The following TJP2 variants were observed in gnomAD, a reference collection of about 807,000 sequenced individuals.
TJP2 encodes Friedreich ataxia region gene X104 (tight junction protein ZO-2).
Under a neutral mutation model 133.1 loss-of-function variants are expected in TJP2, and 91 were observed. The ratio of observed to expected loss-of-function variants is 0.68; its 90% CI spans 0.58 to 0.81. The LOEUF (loss-of-function observed/expected upper bound fraction) is 0.81. Among genes scored for constraint, TJP2 ranks in the 40% least tolerant of loss-of-function variants. The pLI, the probability that TJP2 is intolerant of heterozygous loss-of-function variation, is 0.00. For synonymous variants in TJP2, 592 were observed against 583.4 expected (o/e 1.01, Z -0.21); for missense variants, 1,541 against 1,565.6 (o/e 0.98, Z 0.26).
At position 69,233,919 on chromosome 9, in the gene TJP2, CTT is replaced by C. The variant is rs538183315; in HGVS notation, c.1672-517_1672-516del. Among the ~76,000 whole-genome samples, 16 of 152,268 alleles carry C rather than the reference CTT, an allele frequency of 1.1e-4. No homozygotes were observed. In the South Asian group the frequency reaches 3.3e-3, roughly 32 times the overall value. On this transcript the variant is annotated intron_variant, in intron 11 of 22. Transcript: ENST00000377245. ...CAATTTTATAAACACATGTTAAACA[CTT>C]TTAGGTGATAGAAGCTATAGGAGAA...
chr9:69,254,527 A>T lies in TJP2; in HGVS notation c.*153A>T, dbSNP rs1451434325. 1.0e-6 allele frequency: 1 copy of T among 970,076 alleles called. No individual in the cohort carries two copies. Among genetic ancestry groups the T allele is most frequent in the Non-Finnish European group, 1.6e-6 (1 of 633,742 alleles). The allele number at this position is 970,076 out of a possible 1,614,324, so 60.1% of individuals were successfully genotyped here. ...TGTCCTCATGGAGAACCCAGGGGAC[A>T]GCTGGTGCAAATTCAGAACTGAGGG... On this transcript the variant is annotated 3_prime_UTR_variant, in exon 23 of 23. Coordinates refer to ENST00000377245, the MANE Select transcript of TJP2 (RefSeq NM_004817.4).
intron 7 of TJP2, among the ~76,000 whole-genome samples, chr9:69,227,486 C>G (rs1829441028): frequency 6.6e-6 from 1 of 152,088 alleles, no homozygotes; most frequent in African/African-American, 2.4e-5. Flanking sequence ...ATCTATGATC[C>G]AATAATAGAA....
intron 1 of TJP2, among the ~76,000 whole-genome samples, chr9:69,136,002 G>A (rs910745653): frequency 3.9e-5 from 6 of 152,120 alleles, no homozygotes; most frequent in African/African-American, 1.4e-4. Context: ...TCCTGAGTGA[G>A]GAGAGATATT....
intron 1 of TJP2, among the ~76,000 whole-genome samples, chr9:69,198,688 G>A (rs1826774198): frequency 1.3e-5 from 2 of 152,316 alleles, no homozygotes; most frequent in South Asian, 2.1e-4. Context: ...TGAGCACATC[G>A]CATACACTAG....
chr9:69,254,045 A>T, intron 22 of TJP2, 164 bp from the exon 23 acceptor site: 1 of 814,644 alleles, frequency 1.2e-6, no homozygotes, highest in South Asian at 1.5e-5. Flanking sequence ...CCTATTACGA[A>T]CCTGGAGCAG....
chr9:69,234,398 C>G, intron 11 of TJP2, 41 bp from the exon 12 acceptor site: 3 of 982,288 alleles, frequency 3.1e-6, no homozygotes, highest in Non-Finnish European at 4.4e-6. Context: ...TTCTTTCTTT[C>G]TTTTTTTTTT....
At chr9:69,235,536 A>T (rs975575362) in intron 12 of TJP2, among the ~76,000 whole-genome samples, 3 of 151,788 alleles carry the variant, frequency 2.0e-5, no homozygotes, top group Non-Finnish European at 4.4e-5. Flanking sequence ...GTTAGCCAGG[A>T]TGGTCTCGAT....
At chr9:69,213,103 G>A (rs905800227) in intron 2 of TJP2, among the ~76,000 whole-genome samples, 4 of 119,912 alleles carry the variant, frequency 3.3e-5, no homozygotes, top group East Asian at 2.5e-4. Flanking sequence ...CACTCTTGTC[G>A]CCCAGGCTGG....
intron 20 of TJP2, chr9:69,249,855 C>G (rs1022139098): frequency 3.3e-6 from 2 of 600,566 alleles, no homozygotes; most frequent in African/African-American, 4.0e-5. Context: ...TCTGCCCAGT[C>G]TGATTTAGAT....
In TJP2 at chr9:69,251,230, G is replaced by C. The variant is rs1831308605; in HGVS notation, c.3187G>C (p.Glu1063Gln). 3.1e-6 allele frequency: 5 copies of C among 1,614,190 alleles called. No individual in the cohort carries two copies. The East Asian group carries it at 1.1e-4, about 36-fold the overall frequency. Residue 1063 changes from glutamate to glutamine, a missense_variant, in exon 21 of 23, where the codon GAG becomes CAG. Coordinates refer to ENST00000377245, the MANE Select transcript of TJP2 (RefSeq NM_004817.4). ...TCCCATCCCTCCTCAAGAGGGTGAG[G>C]AGGTGGGAGAGAGCAGTGAGGAGCA... ...STPIPPQEGEEVGESSEEQDN... is the reference protein window; with the variant it reads ...STPIPPQEGEQVGESSEEQDN...
chr9:69,188,208 C>T (rs976506182), intron 1 of TJP2, among the ~76,000 whole-genome samples: 2 of 152,164 alleles, frequency 1.3e-5, no homozygotes, highest in Admixed American at 6.6e-5. Context: ...TGTAAGACCA[C>T]GTTTGGTTAG....
At chr9:69,196,600 CT>C (rs35520926) in intron 1 of TJP2, among the ~76,000 whole-genome samples, 5 of 124,406 alleles carry the variant, frequency 4.0e-5, no homozygotes, top group Non-Finnish European at 7.1e-5. Flanking sequence ...ACGATGTGAT[CT>C]TTTTTTTAAA....
At chr9:69,132,763 C>G (rs1822553034) in intron 1 of TJP2, among the ~76,000 whole-genome samples, 1 of 152,122 alleles carries the variant, frequency 6.6e-6, no homozygotes, top group South Asian at 2.1e-4. Flanking sequence ...CAGTTAAATT[C>G]ATTGCTATGG....
chr9:69,230,475 A>G (rs2133345566), intron 11 of TJP2, among the ~76,000 whole-genome samples: 1 of 152,336 alleles, frequency 6.6e-6, no homozygotes. Context: ...CCAAGATTTT[A>G]TTAGTCTGAT....
intron 11 of TJP2, among the ~76,000 whole-genome samples, chr9:69,232,974 T>C (rs1178508565): frequency 6.6e-6 from 1 of 152,228 alleles, no homozygotes; most frequent in Non-Finnish European, 1.5e-5. Context: ...CACAGCCTTG[T>C]GGCCCTGTCT....
intron 11 of TJP2, among the ~76,000 whole-genome samples, chr9:69,231,823 C>G (rs906895157): frequency 6.6e-6 from 1 of 152,170 alleles, no homozygotes; most frequent in Non-Finnish European, 1.5e-5. Flanking sequence ...GATGAAAACC[C>G]ATCTGAGTGC....
chr9:69,217,678 C>A (rs926902487), intron 3 of TJP2, among the ~76,000 whole-genome samples: 2 of 152,182 alleles, frequency 1.3e-5, no homozygotes, highest in Non-Finnish European at 2.9e-5. Context: ...AGAGGGAAAC[C>A]ATGCCTCTTA....
At chr9:69,160,957 TG>T (rs1824036105) in intron 2 of TJP2, among the ~76,000 whole-genome samples, 1 of 152,144 alleles carries the variant, frequency 6.6e-6, no homozygotes, top group Non-Finnish European at 1.5e-5. Context: ...AGATGAGATT[TG>T]GGTGGGGACA....
intron 2 of TJP2, among the ~76,000 whole-genome samples, chr9:69,167,425 C>T (rs1277350802): frequency 1.3e-5 from 2 of 152,118 alleles, no homozygotes; most frequent in Non-Finnish European, 2.9e-5. Context: ...CTTCTGAACT[C>T]CTCAGATGCT....
Sources: allele counts gnomAD v4.1 joint callset (sites outside exome capture counted in the v4.1 genomes callset), GRCh38; gene constraint gnomAD v4.1.1; transcripts MANE v1.5; gene names NCBI Gene and HGNC (gene_info 2026-07-23, HGNC 2026-07-21).